Variants in EIF2D observed in about 807,000 individuals in gnomAD.
EIF2D encodes hepatocellular carcinoma-associated antigen 56.
Under a neutral mutation model 77.4 loss-of-function variants are expected in EIF2D, and 56 were observed. The observed-to-expected ratio is 0.72, with a 90% CI of 0.58 to 0.90. The LOEUF is 0.90. Ranked by LOEUF, EIF2D falls within the 40% of genes least tolerant of loss-of-function variation. EIF2D has a pLI of 0.00. For missense variants in EIF2D, 574 were observed against 706.5 expected, an observed-to-expected ratio of 0.81 and a Z score of 2.13; for synonymous variants, 230 against 271.0, an observed-to-expected ratio of 0.85 and a Z score of 1.49.
intron 4 of EIF2D, among the ~76,000 whole-genome samples, chr1:206,578,232 A>G (rs868941665): frequency 6.8e-4 from 89 of 130,520 alleles, no homozygotes; most frequent in African/African-American, 2.4e-3. Flanking sequence ...CAAAAAAAAA[A>G]AGTGTGTGTG....
downstream of EIF2D, among the ~76,000 whole-genome samples, chr1:206,591,309 A>G (rs1669331715): frequency 1.3e-5 from 2 of 152,324 alleles, no homozygotes; most frequent in South Asian, 4.1e-4. Flanking sequence ...TTTAGGGTCA[A>G]TTCTTTCTTC....
chr1:206,574,727 G>A (rs1668571303), intron 4 of EIF2D, among the ~76,000 whole-genome samples: 1 of 152,148 alleles, frequency 6.6e-6, no homozygotes, highest in Non-Finnish European at 1.5e-5. Flanking sequence ...CTTCACTGCT[G>A]TGGTGGGTCT....
At chr1:206,600,616 A>T in intron 7 of EIF2D, 1 of 278,470 alleles carries the variant, frequency 3.6e-6, no homozygotes, top group Non-Finnish European at 6.7e-6. Flanking sequence ...AGGGAACTGA[A>T]TTTTAAATTT....
Position 206,612,439 on chromosome 1 carries a change from C to A in EIF2D, c.-97G>T, listed in dbSNP as rs1572421259. 3.3e-6 allele frequency: 5 copies of A among 1,513,438 alleles called. No individual in the cohort carries two copies. Among genetic ancestry groups the A allele is most frequent in the Non-Finnish European group, 4.6e-6 (5 of 1,092,698 alleles). The allele number at this position is 1,513,438 out of a possible 1,614,324, so 93.8% of individuals were successfully genotyped here. Reference sequence around the variant, plus strand: ...GCCAGGCCCTCAGCCGTGGGGGCAGCCATGCTGGGGCCCGGCCGCGAAAAG... The same window carrying A: ...GCCAGGCCCTCAGCCGTGGGGGCAGACATGCTGGGGCCCGGCCGCGAAAAG... On this transcript the variant is annotated 5_prime_UTR_variant, in exon 1 of 15. Coordinates refer to ENST00000271764, the MANE Select transcript of EIF2D (RefSeq NM_006893.3).
chr1:206,608,428 G>A, intron 3 of EIF2D, 102 bp from the exon 4 acceptor site: 2 of 863,948 alleles, frequency 2.3e-6, no homozygotes, highest in South Asian at 2.0e-5. Context: ...ATAGTTACTA[G>A]GTATCAACTA....
intron 5 of EIF2D, chr1:206,603,529 T>G: frequency 4.3e-6 from 1 of 233,692 alleles, no homozygotes. Context: ...CCCAAAAATG[T>G]TCCCTTCATC....
chr1:206,585,332 GGCACCCTGGGTGGGT>G (rs782128324), intron 2 of EIF2D: 9 of 1,521,784 alleles, frequency 5.9e-6, no homozygotes, highest in South Asian at 1.1e-5. Context: ...CAGGCCTTAG[GGCACCCTGGGTGGGT>G]GCAGGTGGGT....
At chr1:206,610,718 G>A (rs989814946) in intron 2 of EIF2D, among the ~76,000 whole-genome samples, 5 of 152,086 alleles carry the variant, frequency 3.3e-5, no homozygotes, top group African/African-American at 1.2e-4. Flanking sequence ...CTACTCGGGA[G>A]GCTGAGGCAA....
Position 206,602,970 on chromosome 1 carries a change from T to G in EIF2D, c.765A>C (p.Thr255=). ...TTATACCTTGAAGCGTTTTGCTATC[T>G]GTGGAGTCTTGGTTCAGGCCCCTGG... The part of the protein sequence containing the change: ...TSTRGLNQDS[T]DSKTLQEQMD... Residue 255 remains threonine, a synonymous_variant, in exon 6 of 15, where the codon ACA becomes ACC. Transcript: ENST00000271764. The G allele has an allele frequency of 6.2e-7, 1 of 1,614,206 alleles. No homozygotes were observed. The highest frequency in any genetic ancestry group is 8.5e-7 in the Non-Finnish European group (1 of 1,180,024).
chr1:206,572,651 G>A (rs531930670), exon 5 of EIF2D: 1 of 152,170 alleles, frequency 6.6e-6, no homozygotes, highest in South Asian at 2.1e-4. Context: ...AGCAGGCATC[G>A]TGCCACAGGC....
Position 206,584,876 on chromosome 1 carries a change from G to C in EIF2D, c.139-3714C>G. ...AAGAGCAGAGTCCCTGACTCTGCAT[G>C]TGACTTCAGGAAAACCACACCCTAG... On this transcript the variant is annotated intron_variant and NMD_transcript_variant, in intron 2 of 5. Coordinates refer to the EIF2D transcript ENST00000472709. The surrounding 1 kb of genome is among the most constrained non-coding windows in gnomAD (Gnocchi z 4.9). 1 of 638,396 alleles carries C rather than the reference G, an allele frequency of 1.6e-6. No homozygotes were observed. Among genetic ancestry groups the C allele is most frequent in the South Asian group, 1.9e-5 (1 of 51,648 alleles). The allele number at this position is 638,396 out of a possible 1,614,324, so 39.5% of individuals were successfully genotyped here. A position where few individuals can be genotyped will look rare whatever the true frequency, so the allele number is the denominator to read the frequency against.
intron 4 of EIF2D, among the ~76,000 whole-genome samples, chr1:206,577,190 A>C (rs1433820151): frequency 2.0e-5 from 3 of 152,162 alleles, no homozygotes; most frequent in Non-Finnish European, 4.4e-5. Context: ...GAATAGTGGC[A>C]ACAGACTGCG....
At chr1:206,576,548 A>C (rs1248570720) in intron 4 of EIF2D, among the ~76,000 whole-genome samples, 1 of 152,238 alleles carries the variant, frequency 6.6e-6, no homozygotes, top group Non-Finnish European at 1.5e-5. Context: ...TACACAGGAA[A>C]CATAGGAAGT....
Position 206,605,455 on chromosome 1 carries a change from A to C in EIF2D, c.475T>G (p.Ser159Ala), listed in dbSNP as rs1553412469. The C allele has an allele frequency of 6.2e-7, 1 of 1,614,154 alleles. No individual in the cohort carries two copies. The highest frequency in any genetic ancestry group is 1.1e-5 in the South Asian group (1 of 91,070). ...AAMSTAEMLT[S>A]GLKGRGFSVL... ...GAGAAGCCCCTTCCCTTCAGGCCTG[A>C]CGTGAGCATCTCAGCTGTGGACATG... The change falls in exon 5 of 15, where the codon TCA (serine) becomes GCA (alanine). Residue 159 changes from serine to alanine, a missense_variant. Coordinates refer to ENST00000271764, the MANE Select transcript of EIF2D (RefSeq NM_006893.3).
chr1:206,598,901 A>C, intron 11 of EIF2D, 102 bp downstream of exon 11: 1 of 1,154,876 alleles, frequency 8.7e-7, no homozygotes, highest in Non-Finnish European at 1.3e-6. Flanking sequence ...CTAAGATGCT[A>C]TGGTTTTCTA....
At chr1:206,610,753 G>A (rs1337467706) in intron 2 of EIF2D, among the ~76,000 whole-genome samples, 11 of 151,666 alleles carry the variant, frequency 7.3e-5, no homozygotes, top group African/African-American at 9.7e-5. Flanking sequence ...CCCAGGAGGC[G>A]GAGCTTGCAG....
chr1:206,600,342 T>G (rs1553411048), intron 7 of EIF2D, 34 bp from the exon 8 acceptor site: 3 of 1,603,574 alleles, frequency 1.9e-6, no homozygotes, highest in African/African-American at 2.7e-5. Context: ...ATTAAACTAA[T>G]GAGCAGTCAT....
At chr1:206,569,311 A>G (rs1324228202), downstream of EIF2D, among the ~76,000 whole-genome samples, 1 of 152,208 alleles carries the variant, frequency 6.6e-6, no homozygotes, top group Non-Finnish European at 1.5e-5. Context: ...TGGTTGGTAA[A>G]TCAGGTTTTA....
Position 206,591,750 on chromosome 1 carries a change from C to G in EIF2D, c.*25G>C. The stretch of plus-strand genomic sequence containing the variant: ...CCCAGAGCTTGGATTTCCACCGGAT[C>G]CACCACGTGAGACAAAAGAGTCTGT... On this transcript the variant is annotated 3_prime_UTR_variant, in exon 15 of 15. Transcript: ENST00000271764. 2 of 1,610,660 alleles carry G rather than the reference C, an allele frequency of 1.2e-6. No individual in the cohort carries two copies. The highest frequency in any genetic ancestry group is 1.7e-6 in the Non-Finnish European group (2 of 1,176,872).
Sources: allele counts gnomAD v4.1 joint callset (sites outside exome capture counted in the v4.1 genomes callset), GRCh38; gene constraint gnomAD v4.1.1; non-coding constraint Gnocchi (gnomAD v3.1); transcripts MANE v1.5; gene names NCBI Gene and HGNC (gene_info 2026-07-23, HGNC 2026-07-21).